Variants in KDM4B observed in about 807,000 individuals in gnomAD.
KDM4B encodes the protein lysine-specific demethylase 4B.
KDM4B carries 32 observed loss-of-function variants against 125.2 expected under a neutral mutation model. That is an observed-to-expected ratio of 0.26 (90% CI 0.19 to 0.34). The LOEUF is 0.34. Among genes scored for constraint, KDM4B ranks in the 10% least tolerant of loss-of-function variants. The pLI, the probability that KDM4B is intolerant of heterozygous loss-of-function variation, is 1.00. For synonymous variants in KDM4B, 721 were observed against 677.9 expected (o/e 1.06, Z -0.99); for missense variants, 1,190 against 1,577.7 (o/e 0.75, Z 4.16).
chr19:5,077,064 G>T (rs901898359), intron 7 of KDM4B: 6 of 384,804 alleles, frequency 1.6e-5, no homozygotes, highest in African/African-American at 1.2e-4. Flanking sequence ...CCCTGCTGCT[G>T]GGCAGAGACG....
intron 2 of KDM4B, among the ~76,000 whole-genome samples, chr19:5,020,164 GATGTTGGTGTGGGTGTTGGTGTGC>G (rs2036063793): frequency 7.8e-6 from 1 of 128,770 alleles, no homozygotes; most frequent in Non-Finnish European, 1.8e-5. Context: ...TGTTGGTGTG[GATGTTGGTGTGGGTGTTGGTGTGC>G]AGGTGTTGGT....
At position 5,023,684 on chromosome 19, in the gene KDM4B, C is replaced by T. The variant is rs564948597; in HGVS notation, c.-26+7345C>T. On this transcript the variant is annotated intron_variant, in intron 2 of 22. Transcript: ENST00000159111. ...GAGGTGGGACAAGAGGACGAGGGCT[C>T]GAGGGAGCCCCCACACTTCCTACCC... 3.3e-5 allele frequency among the ~76,000 whole-genome samples: 5 copies of T among 150,888 alleles called. No homozygotes were observed. In the East Asian group the frequency reaches 9.7e-4, roughly 29 times the overall value.
At chr19:5,020,628 G>T (rs1037122972) in intron 2 of KDM4B, among the ~76,000 whole-genome samples, 3 of 152,164 alleles carry the variant, frequency 2.0e-5, no homozygotes, top group African/African-American at 7.2e-5. Context: ...GGGGGAAGGG[G>T]GTCCCACTGC....
intron 2 of KDM4B, among the ~76,000 whole-genome samples, chr19:5,028,167 G>T (rs576589608): frequency 6.6e-6 from 1 of 152,160 alleles, no homozygotes; most frequent in East Asian, 1.9e-4. Flanking sequence ...AGTAGAGATG[G>T]GGTCTCCCTA....
chr19:5,038,884 G>T (rs1202688803), intron 3 of KDM4B, among the ~76,000 whole-genome samples: 2 of 152,264 alleles, frequency 1.3e-5, no homozygotes, highest in African/African-American at 4.8e-5. Context: ...TGCACTTCCT[G>T]TTGGCTCACT....
chr19:5,041,429 T>A (rs1016114825), intron 5 of KDM4B, among the ~76,000 whole-genome samples, 178 bp downstream of exon 5: 3 of 151,890 alleles, frequency 2.0e-5, no homozygotes, highest in Non-Finnish European at 4.4e-5. Context: ...AGCCAGGCTT[T>A]CTCTGATTTT....
At chr19:4,982,493 T>A (rs911781850) in intron 1 of KDM4B, among the ~76,000 whole-genome samples, 2 of 150,466 alleles carry the variant, frequency 1.3e-5, no homozygotes, top group Non-Finnish European at 3.0e-5. Context: ...AAAACCTGGA[T>A]GTATATGTAA....
chr19:5,013,621 C>G (rs554823076), intron 1 of KDM4B, among the ~76,000 whole-genome samples: 1 of 152,194 alleles, frequency 6.6e-6, no homozygotes, highest in African/African-American at 2.4e-5. Context: ...CCTTCCTCCC[C>G]CTTCACAGCC....
In KDM4B at chr19:5,150,536, T is replaced by A. The variant is rs951933397; in HGVS notation, c.3114+86T>A. On this transcript the variant is annotated intron_variant, in intron 22 of 22. Coordinates refer to ENST00000159111, the MANE Select transcript of KDM4B (RefSeq NM_015015.3). ...GCAGGGCACAGACTGCGTCTTCCAATGGCGTGGACCACCCCCTCCTCTTGC... is the reference window on the plus strand; with the variant it reads ...GCAGGGCACAGACTGCGTCTTCCAAAGGCGTGGACCACCCCCTCCTCTTGC... The A allele has an allele frequency of 7.4e-6, 7 of 947,858 alleles. No homozygotes were observed. The African/African-American group carries it at 1.1e-4, about 15-fold the overall frequency. 58.7% of individuals were successfully genotyped at this position (947,858 alleles called of 1,614,324 possible).
At chr19:5,130,400 A>G (rs981262640) in intron 11 of KDM4B, among the ~76,000 whole-genome samples, 2 of 127,044 alleles carry the variant, frequency 1.6e-5, no homozygotes, top group Admixed American at 1.7e-4. Flanking sequence ...CACCAAACAC[A>G]TGAGTCAACT....
In KDM4B at chr19:5,144,272, C is replaced by T; in HGVS notation, c.2761C>T (p.Leu921=). The change falls in exon 20 of 23, where the codon CTA becomes TTA. Residue 921 remains leucine (L), a synonymous_variant. Coordinates refer to ENST00000159111, the MANE Select transcript of KDM4B (RefSeq NM_015015.3). The part of the protein sequence containing the change: ...HAVQLLRAVS[L]GQVVITKNRN... ...GGTCCAACTCCTGAGGGCCGTGTCC[C>T]TAGGCCAGGTGGTCATCACCAAGAA... 6.3e-7 allele frequency: 1 copy of T among 1,598,290 alleles called. No individual in the cohort carries two copies. Among genetic ancestry groups the T allele is most frequent in the African/African-American group, 1.3e-5 (1 of 74,760 alleles).
intron 2 of KDM4B, among the ~76,000 whole-genome samples, chr19:5,027,199 G>A (rs1453668522): frequency 6.6e-6 from 1 of 152,248 alleles, no homozygotes; most frequent in Non-Finnish European, 1.5e-5. Context: ...GTTGCCCTGC[G>A]TCTGTTTCCA....
intron 5 of KDM4B, 98 bp from the exon 6 acceptor site, chr19:5,047,378 C>A: frequency 8.6e-7 from 1 of 1,166,642 alleles, no homozygotes; most frequent in Non-Finnish European, 1.2e-6. Context: ...GGATGGGCAG[C>A]GACCCCTGGG....
chr19:5,107,598 T>G (rs995637309), intron 9 of KDM4B, among the ~76,000 whole-genome samples: 3 of 152,158 alleles, frequency 2.0e-5, no homozygotes, highest in African/African-American at 7.2e-5. Flanking sequence ...CCAGCTGCAG[T>G]AGAACAGCCC....
At chr19:5,150,155 C>A (rs566374599) in intron 21 of KDM4B, among the ~76,000 whole-genome samples, 1 of 152,254 alleles carries the variant, frequency 6.6e-6, no homozygotes, top group East Asian at 1.9e-4. Context: ...ATCCTTGCCC[C>A]GTGGTACGGG....
In KDM4B at chr19:5,115,470, T is replaced by C. The variant is rs548677828; in HGVS notation, c.1116-4183T>C. On this transcript the variant is annotated intron_variant, in intron 10 of 22. Transcript: ENST00000159111. The surrounding 1 kb of genome is among the most constrained non-coding windows in gnomAD (Gnocchi z 4.2). ...GGGCCCAGTGGAGCAAAGCCACATA[T>C]GCTGATACTGGGGCTCTCCTAAAGT... 6.6e-6 allele frequency among the ~76,000 whole-genome samples: 1 copy of C among 152,302 alleles called. No individual in the cohort carries two copies. Among genetic ancestry groups the C allele is most frequent in the South Asian group, 2.1e-4 (1 of 4,828 alleles).
At position 5,133,991 on chromosome 19, in the gene KDM4B, A is replaced by T; in HGVS notation, c.2015A>T (p.Lys672Met). ...NRAASFQAER[K>M]FNAAAARTEP... is the part of the protein sequence containing the mutation. ...GCGGCCAGCTTCCAGGCCGAGAGGA[A>T]GTTCAACGCAGCGGCTGCGCGCACG... The change falls in exon 14 of 23, where the codon AAG (lysine) becomes ATG (methionine). Residue 672 changes from lysine (K) to methionine (M), a missense_variant. Lys to Met is a moderately conservative substitution (Grantham distance 95, BLOSUM62 -1). Transcript: ENST00000159111. 6.2e-7 allele frequency: 1 copy of T among 1,612,242 alleles called. No homozygotes were observed. Among genetic ancestry groups the T allele is most frequent in the Non-Finnish European group, 8.5e-7 (1 of 1,179,852 alleles).
chr19:5,055,158 A>G (rs1015498226), intron 6 of KDM4B, among the ~76,000 whole-genome samples: 2 of 152,206 alleles, frequency 1.3e-5, no homozygotes, highest in African/African-American at 4.8e-5. Flanking sequence ...CAGGACAGGC[A>G]GGGCTCTCAG....
chr19:5,026,804 G>A (rs2036292488), intron 2 of KDM4B, among the ~76,000 whole-genome samples: 1 of 152,228 alleles, frequency 6.6e-6, no homozygotes, highest in Non-Finnish European at 1.5e-5. Flanking sequence ...GGTACCAAGA[G>A]AAATTCAAAC....
Sources: allele counts gnomAD v4.1 joint callset (sites outside exome capture counted in the v4.1 genomes callset), GRCh38; gene constraint gnomAD v4.1.1; non-coding constraint Gnocchi (gnomAD v3.1); transcripts MANE v1.5; gene names NCBI Gene and HGNC (gene_info 2026-07-23, HGNC 2026-07-21).